Variants in FAAH2 observed in about 807,000 individuals in gnomAD.
FAAH2 encodes fatty acid amide hydrolase 2.
Under a neutral mutation model 36.9 loss-of-function variants are expected in FAAH2, and 60 were observed. The ratio of observed to expected loss-of-function variants is 1.63; its 90% CI spans 1.32 to 2.02. The LOEUF (loss-of-function observed/expected upper bound fraction) is 2.02, where lower values mean the gene tolerates loss of function less well. FAAH2 is among the 30% of genes most tolerant of loss of function. The pLI, the probability that FAAH2 is intolerant of heterozygous loss-of-function variation, is 0.00. For synonymous variants in FAAH2, 214 were observed against 143.8 expected, an observed-to-expected ratio of 1.49 and a Z score of -3.49; for missense variants, 689 against 397.5, an observed-to-expected ratio of 1.73 and a Z score of -6.23.
At chrX:57,315,695 G>C (rs1195634942) in intron 3 of FAAH2, among the ~76,000 whole-genome samples, 1 of 111,436 alleles carries the variant, frequency 9.0e-6, no homozygotes, top group Non-Finnish European at 1.9e-5. Flanking sequence ...AATAACTTTT[G>C]ATATAATTCA....
At chrX:57,477,461 T>A (rs2057292446) in intron 10 of FAAH2, among the ~76,000 whole-genome samples, 1 of 110,496 alleles carries the variant, frequency 9.1e-6, no homozygotes, top group African/African-American at 3.3e-5. Context: ...TATACTTTCT[T>A]TTGTTTATTG....
At chrX:57,272,847 C>T in the FAAH2 span, among the ~76,000 whole-genome samples, 1 of 112,114 alleles carries the variant, frequency 8.9e-6, no homozygotes, top group Non-Finnish European at 1.9e-5. Flanking sequence ...ACCGCATTAA[C>T]TAACCAACAT....
intron 10 of FAAH2, chrX:57,452,428 A>T: frequency 1.8e-6 from 1 of 570,922 alleles, no homozygotes; most frequent in Non-Finnish European, 2.1e-6. Flanking sequence ...TGTGATATTT[A>T]AACAGAGTGG....
Position 57,469,000 on chromosome X carries a change from G to A in FAAH2, c.1424-19757G>A, listed in dbSNP as rs192040320. Among the ~76,000 whole-genome samples, 111 of 111,350 alleles carry A rather than the reference G, an allele frequency of 1.0e-3. 1 individual carries two copies. In the East Asian group the frequency reaches 0.03, roughly 30 times the overall value. ...AGAATTTCATATCCAGCCAAACTAA[G>A]CTTCATAAGTGAAGGAGAAATTAAA... On this transcript the variant is annotated intron_variant, in intron 10 of 10. Coordinates refer to ENST00000374900, the MANE Select transcript of FAAH2 (RefSeq NM_174912.4).
chrX:57,325,291 T>C (rs1307600378), intron 3 of FAAH2, among the ~76,000 whole-genome samples: 3 of 111,309 alleles, frequency 2.7e-5, no homozygotes, highest in African/African-American at 9.8e-5. Flanking sequence ...GATATTGGTC[T>C]AAAATTGTCT....
the FAAH2 span, among the ~76,000 whole-genome samples, chrX:57,236,249 G>A: frequency 8.9e-6 from 1 of 112,210 alleles, no homozygotes; most frequent in Non-Finnish European, 1.9e-5. Flanking sequence ...ATCTGCTAAA[G>A]GACACTTAGG....
rs749823855 is a variant in FAAH2 at position 57,447,823 on chromosome X, G to T, written c.1229-701G>T. On this transcript the variant is annotated intron_variant, in intron 9 of 10. Coordinates refer to ENST00000374900, the MANE Select transcript of FAAH2 (RefSeq NM_174912.4). ...CCTCTGAACCTGTGATGGAAGGGCT[G>T]CCACAAAGGACTCTGAAATGCCCTG... Among the ~76,000 whole-genome samples the T allele has an allele frequency of 2.7e-5, 3 of 112,006 alleles. No individual in the cohort carries two copies. The East Asian group carries it at 8.5e-4, about 32-fold the overall frequency.
At chrX:57,420,812 A>C (rs1410627656) in intron 7 of FAAH2, among the ~76,000 whole-genome samples, 1 of 110,068 alleles carries the variant, frequency 9.1e-6, no homozygotes, top group Non-Finnish European at 1.9e-5. Context: ...TTTCAAAGGG[A>C]ATGCTTCCAG....
rs191235103 is a variant in FAAH2 at position 57,313,025 on chromosome X, G to A, written c.412+2296G>A. The stretch of plus-strand genomic sequence containing the variant: ...ATCCAAGAGATGGGAGAAAAAATGG[G>A]CATTTTAGGAAACAACAAAACAGAG... On this transcript the variant is annotated intron_variant, in intron 3 of 10. Transcript: ENST00000374900. Among the ~76,000 whole-genome samples, 27 of 111,107 alleles carry A rather than the reference G, an allele frequency of 2.4e-4. No homozygotes were observed. The East Asian group carries it at 4.3e-3, about 18-fold the overall frequency.
intron 5 of FAAH2, among the ~76,000 whole-genome samples, chrX:57,362,957 G>A (rs1210243262): frequency 2.7e-5 from 3 of 111,651 alleles, no homozygotes; most frequent in African/African-American, 9.8e-5. Context: ...ATAACAATAT[G>A]ATGTTGCTTG....
the FAAH2 span, among the ~76,000 whole-genome samples, chrX:57,217,247 G>GTTTTT: frequency 1.0e-5 from 1 of 96,662 alleles, no homozygotes; most frequent in African/African-American, 3.8e-5. Flanking sequence ...TTTGACGACT[G>GTTTTT]TTTTTTTTTT....
chrX:57,440,948 A>G (rs1260335908), intron 8 of FAAH2, among the ~76,000 whole-genome samples: 1 of 111,750 alleles, frequency 8.9e-6, no homozygotes, highest in Non-Finnish European at 1.9e-5. Context: ...CCGAGGGATG[A>G]AGCCCACTTG....
chrX:57,180,382 C>G, the FAAH2 span, among the ~76,000 whole-genome samples: 1 of 111,017 alleles, frequency 9.0e-6, no homozygotes, highest in Non-Finnish European at 1.9e-5. Flanking sequence ...AAAAAGGAAG[C>G]AGAGAAGATT....
chrX:57,187,248 G>A, the FAAH2 span, among the ~76,000 whole-genome samples: 1 of 110,746 alleles, frequency 9.0e-6, no homozygotes, highest in African/African-American at 3.3e-5. Flanking sequence ...GAGCAGTGGA[G>A]TGGTTTCAGT....
chrX:57,227,210 G>T, the FAAH2 span, among the ~76,000 whole-genome samples: 4 of 110,838 alleles, frequency 3.6e-5, no homozygotes, highest in African/African-American at 1.3e-4. Context: ...GGGTCGGGGG[G>T]TGTTGAGGAG....
chrX:57,448,473 A>T, intron 9 of FAAH2, 51 bp from the exon 10 acceptor site: 1 of 1,048,282 alleles, frequency 9.5e-7, no homozygotes, highest in Non-Finnish European at 1.3e-6. Context: ...GAACACTAGG[A>T]ATTAAAATGA....
At chrX:57,173,992 C>T in the FAAH2 span, among the ~76,000 whole-genome samples, 1 of 110,905 alleles carries the variant, frequency 9.0e-6, no homozygotes, top group Admixed American at 9.6e-5. Context: ...AGGATTTTTG[C>T]ATCTATAATT....
intron 8 of FAAH2, among the ~76,000 whole-genome samples, chrX:57,438,056 C>T (rs1388378383): frequency 6.8e-5 from 7 of 102,359 alleles, no homozygotes; most frequent in Non-Finnish European, 9.9e-5. Flanking sequence ...CACATATATA[C>T]GTATATATGT....
chrX:57,374,970 C>G (rs1360321490), intron 5 of FAAH2, among the ~76,000 whole-genome samples: 1 of 111,163 alleles, frequency 9.0e-6, no homozygotes, highest in Non-Finnish European at 1.9e-5. Context: ...GAAGATCATG[C>G]GATTTTTGTT....
Sources: gnomAD v4.1 joint callset for allele counts (sites outside exome capture counted in the v4.1 genomes callset) on GRCh38, gnomAD v4.1.1 for gene constraint, MANE v1.5 for transcripts, NCBI Gene and HGNC (gene_info 2026-07-23, HGNC 2026-07-21) for gene names.